ITGA1: variants seen among roughly 807,000 people sequenced by gnomAD.
The protein encoded by ITGA1 is integrin alpha-1.
Under a neutral mutation model 145.9 loss-of-function variants are expected in ITGA1, and 85 were observed. The observed-to-expected ratio is 0.58, with a 90% confidence interval of 0.49 to 0.70. The LOEUF is 0.70. Ranked by LOEUF, ITGA1 falls within the 30% of genes least tolerant of loss-of-function variation. ITGA1 has a pLI of 0.00. For missense variants in ITGA1, 1,351 were observed against 1,418.7 expected (o/e 0.95, Z 0.77); for synonymous variants, 520 against 495.3 (o/e 1.05, Z -0.66).
In ITGA1 at chr5:52,952,426, C is replaced by A. The variant is rs868389697; in HGVS notation, c.3515C>A (p.Pro1172Gln). The change falls in exon 29 of 29, where the codon CCA (proline) becomes CAA (glutamine). Residue 1172 changes from proline to glutamine, a missense_variant. Transcript: ENST00000282588. ...CAACAGATTGGATTCTTCAAAAGAC[C>A]ACTGAAAAAGAAAATGGAGAAATGA... The part of the protein sequence containing the change: ...ALWKIGFFKR[P>Q]LKKKMEK 2 of 1,417,268 alleles carry A rather than the reference C, an allele frequency of 1.4e-6. No homozygotes were observed. Among genetic ancestry groups the A allele is most frequent in the Non-Finnish European group, 1.9e-6 (2 of 1,038,458 alleles). The allele number at this position is 1,417,268 out of a possible 1,614,324, so 87.8% of individuals were successfully genotyped here.
At chr5:52,876,367 G>C (rs182671719) in intron 6 of ITGA1, among the ~76,000 whole-genome samples, 1 of 152,216 alleles carries the variant, frequency 6.6e-6, no homozygotes, top group Admixed American at 6.5e-5. Context: ...CAAAGTAATT[G>C]CGGTTTTGCC....
chr5:52,825,459 A>T (rs1748945439), intron 1 of ITGA1, among the ~76,000 whole-genome samples: 1 of 152,076 alleles, frequency 6.6e-6, no homozygotes, highest in African/African-American at 2.4e-5. Flanking sequence ...CCTTATTATT[A>T]TATCTGTTAT....
In ITGA1 at chr5:52,954,367, C is replaced by A. The variant is rs941039370; in HGVS notation, c.*1916C>A. On this transcript the variant is annotated 3_prime_UTR_variant, in exon 29 of 29. Transcript: ENST00000282588. Reference sequence around the variant, plus strand: ...ATCCATTGAAATTCATACTCAGCATCTGTGACTACTAGACAAAGCCCATTT... The same window carrying A: ...ATCCATTGAAATTCATACTCAGCATATGTGACTACTAGACAAAGCCCATTT... 1 of 152,158 alleles carries A rather than the reference C, an allele frequency of 6.6e-6. No individual in the cohort carries two copies. Among genetic ancestry groups the A allele is most frequent in the Non-Finnish European group, 1.5e-5 (1 of 68,038 alleles). 9.4% of individuals were successfully genotyped at this position (152,158 alleles called of 1,614,324 possible).
intron 1 of ITGA1, 118 bp from the exon 2 acceptor site, chr5:52,849,247 T>C: frequency 1.2e-6 from 1 of 846,166 alleles, no homozygotes; most frequent in East Asian, 2.6e-5. Flanking sequence ...TTCTTTGAGC[T>C]TCTTTTTTTT....
intron 2 of ITGA1, among the ~76,000 whole-genome samples, chr5:52,849,953 G>T (rs1580061128): frequency 6.6e-6 from 1 of 151,398 alleles, no homozygotes; most frequent in Non-Finnish European, 1.5e-5. Flanking sequence ...TGGGTTTCTG[G>T]TATCTACCTT....
chr5:52,887,365 A>T (rs1174473863), intron 7 of ITGA1, among the ~76,000 whole-genome samples: 1 of 152,058 alleles, frequency 6.6e-6, no homozygotes, highest in Non-Finnish European at 1.5e-5. Flanking sequence ...CCATTCTACA[A>T]ATGTCAGAGT....
rs79569142 is a variant in ITGA1 at position 52,862,972 on chromosome 5, C to G, written c.295+1413C>G. On this transcript the variant is annotated intron_variant, in intron 3 of 28. Transcript: ENST00000282588. ...TATCCTTGCCTGATAATTCCAACATCTGGAATATCTCAACATCACTTTCCA... is the reference window on the plus strand; with the variant it reads ...TATCCTTGCCTGATAATTCCAACATGTGGAATATCTCAACATCACTTTCCA... 7.2e-3 allele frequency among the ~76,000 whole-genome samples: 1,102 copies of G among 152,296 alleles called. 15 individuals carry two copies. Among genetic ancestry groups the G allele is most frequent in the African/African-American group, 0.023 (965 of 41,568 alleles).
chr5:52,912,406 TTATA>T (rs1470826883), intron 14 of ITGA1, among the ~76,000 whole-genome samples: 7 of 146,288 alleles, frequency 4.8e-5, no homozygotes, highest in African/African-American at 1.7e-4. Context: ...AGTGTATGTA[TTATA>T]TATAGTGTAT....
chr5:52,919,321 C>T (rs2111870260), intron 16 of ITGA1, among the ~76,000 whole-genome samples: 1 of 152,258 alleles, frequency 6.6e-6, no homozygotes, highest in Non-Finnish European at 1.5e-5. Context: ...TGCAGAGAAC[C>T]CTAATACTTT....
At chr5:52,809,833 AC>A (rs934822248) in intron 1 of ITGA1, among the ~76,000 whole-genome samples, 7 of 152,086 alleles carry the variant, frequency 4.6e-5, no homozygotes, top group Non-Finnish European at 1.0e-4. Context: ...TTTTTCTTCT[AC>A]AGAGTGGTCT....
chr5:52,801,316 C>A, intron 1 of ITGA1: 2 of 1,178,640 alleles, frequency 1.7e-6, no homozygotes, highest in Non-Finnish European at 2.4e-6. Flanking sequence ...ACATATGAAG[C>A]CTTACTAGCG....
intron 1 of ITGA1, among the ~76,000 whole-genome samples, chr5:52,821,765 A>C (rs1409873915): frequency 2.0e-5 from 3 of 152,122 alleles, no homozygotes; most frequent in African/African-American, 7.2e-5. Context: ...TTCTTACTTC[A>C]TTCCACTGTA....
intron 1 of ITGA1, chr5:52,802,327 A>C (rs1055500785): frequency 6.6e-6 from 1 of 152,150 alleles, no homozygotes; most frequent in Non-Finnish European, 1.5e-5. Flanking sequence ...TTTTTTTTAG[A>C]TTTAAATAGT....
chr5:52,907,919 A>G (rs1750436726), intron 12 of ITGA1, among the ~76,000 whole-genome samples: 1 of 152,220 alleles, frequency 6.6e-6, no homozygotes, highest in African/African-American at 2.4e-5. Flanking sequence ...AGTGCATTCA[A>G]AAGTCAGTGT....
chr5:52,945,818 A>G (rs868270373), intron 27 of ITGA1, among the ~76,000 whole-genome samples: 5 of 152,192 alleles, frequency 3.3e-5, no homozygotes, highest in South Asian at 4.1e-4. Context: ...TCCAATATCA[A>G]TGACTTCTGA....
intron 6 of ITGA1, among the ~76,000 whole-genome samples, chr5:52,872,802 A>G (rs934224263): frequency 1.3e-5 from 2 of 151,986 alleles, no homozygotes; most frequent in Non-Finnish European, 2.9e-5. Context: ...GTATTCTAGG[A>G]GAATTTCAAA....
Position 52,918,723 on chromosome 5 carries a change from TG to T in ITGA1, c.1989-8del. The T allele has an allele frequency of 6.3e-7, 1 of 1,597,396 alleles. No homozygotes were observed. The highest frequency in any genetic ancestry group is 2.2e-5 in the East Asian group (1 of 44,774). On this transcript the variant is annotated splice_polypyrimidine_tract_variant and splice_region_variant and intron_variant, in intron 15 of 28. Coordinates refer to ENST00000282588, the MANE Select transcript of ITGA1 (RefSeq NM_181501.2). Reference sequence around the variant, plus strand: ...AATGTGTGAGTAATCCCATTGTTTTTGTTTGTAGGTCCCGAGATGTGGCCGT... The same window carrying T: ...AATGTGTGAGTAATCCCATTGTTTTTTTTGTAGGTCCCGAGATGTGGCCGT...
intron 1 of ITGA1, among the ~76,000 whole-genome samples, chr5:52,821,663 T>C (rs1380360967): frequency 6.6e-6 from 1 of 152,190 alleles, no homozygotes; most frequent in Non-Finnish European, 1.5e-5. Context: ...TGCCTAGTTT[T>C]GCTGTGTGTG....
chr5:52,880,576 C>G (rs1436548192), intron 6 of ITGA1, among the ~76,000 whole-genome samples: 1 of 152,092 alleles, frequency 6.6e-6, no homozygotes, highest in African/African-American at 2.4e-5. Context: ...GCAGAGGAGC[C>G]TGGAAACCAG....
Sources: gnomAD v4.1 joint callset for allele counts (sites outside exome capture counted in the v4.1 genomes callset) on GRCh38, gnomAD v4.1.1 for gene constraint, MANE v1.5 for transcripts, NCBI Gene and HGNC (gene_info 2026-07-23, HGNC 2026-07-21) for gene names.